Variants in MYH9 observed in about 807,000 individuals in gnomAD.
MYH9 encodes the protein myosin-9.
Under a neutral mutation model 241.9 loss-of-function variants are expected in MYH9, and 29 were observed. The ratio of observed to expected loss-of-function variants is 0.12; its 90% CI spans 0.09 to 0.16. The LOEUF is 0.16. MYH9 is among the 10% of genes least tolerant of loss of function. MYH9 has a pLI of 1.00. For missense variants in MYH9, 1,803 were observed against 2,595.5 expected, an observed-to-expected ratio of 0.69 and a Z score of 6.63; for synonymous variants, 1,047 against 1,062.6, an observed-to-expected ratio of 0.99 and a Z score of 0.29.
chr22:36,356,959 C>A (rs536422618), intron 1 of MYH9, among the ~76,000 whole-genome samples: 14 of 152,380 alleles, frequency 9.2e-5, no homozygotes, highest in African/African-American at 3.1e-4. Context: ...CGGCCGGTGC[C>A]ACCTCTCTGG....
chr22:36,321,517 G>A (rs909929510), intron 7 of MYH9, among the ~76,000 whole-genome samples: 4 of 152,144 alleles, frequency 2.6e-5, no homozygotes, highest in Non-Finnish European at 5.9e-5. Context: ...CACACTAGAC[G>A]GCTTTCAACA....
rs187247455 is a variant in MYH9 at position 36,352,154 on chromosome 22, G to A, written c.-19-2899C>T. On this transcript the variant is annotated intron_variant, in intron 1 of 40. Transcript: ENST00000216181. ...CCTGGGGTCCCTCGGAAGCCAGGCC[G>A]GCACTGGAGCTGGGCCCTAACTGTC... Among the ~76,000 whole-genome samples the A allele has an allele frequency of 2.1e-3, 324 of 152,268 alleles. 1 individual carries two copies. Among genetic ancestry groups the A allele is most frequent in the South Asian group, 7.2e-3 (35 of 4,830 alleles).
At chr22:36,301,986 C>T (rs1219537475) in intron 20 of MYH9, among the ~76,000 whole-genome samples, 4 of 152,132 alleles carry the variant, frequency 2.6e-5, no homozygotes, top group African/African-American at 9.7e-5. Context: ...GGGAACAGCA[C>T]ACTACCTCTA....
intron 1 of MYH9, among the ~76,000 whole-genome samples, chr22:36,371,276 G>T (rs1421020032): frequency 6.6e-6 from 1 of 152,180 alleles, no homozygotes; most frequent in African/African-American, 2.4e-5. Context: ...GAGGTCCTTC[G>T]GGTAGGCCCT....
At position 36,300,130 on chromosome 22, in the gene MYH9, G is replaced by T. The variant is rs987010417; in HGVS notation, c.2973C>A (p.Ala991=). ...IILEDQNCKL[A]KEKKLLEDRI... ...AGGCGACAGCCACGGGCCTCACCTT[G>T]GCCAGCTTGCAGTTCTGGTCCTCCA... is the stretch of plus-strand genomic sequence containing the variant. Residue 991 remains alanine (A), a synonymous_variant, in exon 23 of 41, where the codon GCC becomes GCA. Transcript: ENST00000216181. The surrounding 1 kb of genome is among the most constrained non-coding windows in gnomAD (Gnocchi z 5.0). The T allele has an allele frequency of 3.7e-6, 6 of 1,611,204 alleles. No individual in the cohort carries two copies. Among genetic ancestry groups the T allele is most frequent in the Non-Finnish European group, 5.1e-6 (6 of 1,180,006 alleles).
At chr22:36,348,836 G>GGGGGGGGGGGC in intron 2 of MYH9, 68 bp downstream of exon 2, 1 of 859,338 alleles carries the variant, frequency 1.2e-6, no homozygotes, top group Non-Finnish European at 1.7e-6. Context: ...GTGATGGGAA[G>GGGGGGGGGGGC]ACCCGCCCCC....
chr22:36,370,987 T>C (rs1253068193), intron 1 of MYH9, among the ~76,000 whole-genome samples: 1 of 152,070 alleles, frequency 6.6e-6, no homozygotes, highest in Non-Finnish European at 1.5e-5. Flanking sequence ...TGAACCAGAA[T>C]TTACAGATAC....
chr22:36,322,017 C>T, intron 6 of MYH9, 196 bp from the exon 7 acceptor site: 1 of 636,816 alleles, frequency 1.6e-6, no homozygotes, highest in Non-Finnish European at 2.8e-6. Flanking sequence ...TCAGGCGCCA[C>T]ACTGCCTAAG....
At chr22:36,302,359 C>CA in intron 20 of MYH9, 2 of 504,014 alleles carry the variant, frequency 4.0e-6, no homozygotes, top group East Asian at 7.3e-5. Flanking sequence ...TACTAAAAAT[C>CA]AAAAAGGGCC....
intron 1 of MYH9, among the ~76,000 whole-genome samples, chr22:36,360,056 A>ACCACCACCACCACCC (rs2017914774): frequency 8.7e-6 from 1 of 114,364 alleles, no homozygotes; most frequent in Non-Finnish European, 1.8e-5. Context: ...CACCACCACC[A>ACCACCACCACCACCC]CCACCACCAC....
intron 1 of MYH9, among the ~76,000 whole-genome samples, chr22:36,372,028 T>C (rs1013532525): frequency 6.6e-6 from 1 of 152,040 alleles, no homozygotes; most frequent in African/African-American, 2.4e-5. Context: ...TAGCAACTGA[T>C]ATGTATTTAA....
chr22:36,285,572 C>T lies in MYH9; in HGVS notation c.5274+86G>A. ...GCCTGGGGAGCAGCTGGCACTTGGC[C>T]TGTGCTTCTGCCGGCTGGGTCCAAG... On this transcript the variant is annotated intron_variant, in intron 37 of 40. Coordinates refer to ENST00000216181, the MANE Select transcript of MYH9 (RefSeq NM_002473.6). The surrounding 1 kb of genome is among the most constrained non-coding windows in gnomAD (Gnocchi z 7.0). 1 of 1,590,228 alleles carries T rather than the reference C, an allele frequency of 6.3e-7. No individual in the cohort carries two copies. Among genetic ancestry groups the T allele is most frequent in the Non-Finnish European group, 8.5e-7 (1 of 1,171,194 alleles).
chr22:36,363,232 T>C (rs1296095196), intron 1 of MYH9, among the ~76,000 whole-genome samples: 2 of 152,232 alleles, frequency 1.3e-5, no homozygotes, highest in Admixed American at 6.5e-5. Flanking sequence ...GCAATCTGCC[T>C]TATACAGAAC....
At chr22:36,340,456 T>A (rs996801204) in intron 3 of MYH9, among the ~76,000 whole-genome samples, 1 of 150,470 alleles carries the variant, frequency 6.6e-6, no homozygotes, top group African/African-American at 2.4e-5. Context: ...AGGTCAGGAG[T>A]TCGAGTCCAG....
At chr22:36,290,597 C>T (rs6000230) in intron 31 of MYH9, among the ~76,000 whole-genome samples, 12,185 of 151,960 alleles carry the variant, frequency 0.08, 1,633 homozygotes, top group African/African-American at 0.28. Flanking sequence ...AGCGTCTCTG[C>T]CTGGCCGCCC....
At chr22:36,349,460 T>C (rs1234750373) in intron 1 of MYH9, among the ~76,000 whole-genome samples, 1 of 152,232 alleles carries the variant, frequency 6.6e-6, no homozygotes, top group Non-Finnish European at 1.5e-5. Context: ...CCCAGGACAG[T>C]GGCTCATGCC....
At chr22:36,351,006 T>C (rs1250902973) in intron 1 of MYH9, among the ~76,000 whole-genome samples, 1 of 152,214 alleles carries the variant, frequency 6.6e-6, no homozygotes, top group East Asian at 1.9e-4. Flanking sequence ...CATGGGCTTT[T>C]GTGCTTCCAG....
intron 1 of MYH9, among the ~76,000 whole-genome samples, chr22:36,349,857 C>T (rs2017738059): frequency 1.3e-5 from 2 of 152,158 alleles, no homozygotes; most frequent in Admixed American, 1.3e-4. Flanking sequence ...CGCTATGCTA[C>T]AGATACAAAG....
rs879340254 is a variant in MYH9 at position 36,305,507 on chromosome 22, T to A, written c.2160-405A>T. Among the ~76,000 whole-genome samples the A allele has an allele frequency of 5.3e-5, 8 of 152,174 alleles. No homozygotes were observed. The highest frequency in any genetic ancestry group is 2.9e-5 in the Non-Finnish European group (2 of 68,032). ...TAAAGGGCTGCGTCCCGACAGCAAC[T>A]GACACTCAGCACAGTCATTAGAGAA... On this transcript the variant is annotated intron_variant, in intron 17 of 40. Transcript: ENST00000216181. This position sits in a 1 kb window ranked among gnomAD's most constrained non-coding sequence, Gnocchi z 4.7.
Sources: gnomAD v4.1 joint callset for allele counts (sites outside exome capture counted in the v4.1 genomes callset) on GRCh38, gnomAD v4.1.1 for gene constraint, Gnocchi (gnomAD v3.1) non-coding constraint, MANE v1.5 for transcripts, NCBI Gene and HGNC (gene_info 2026-07-23, HGNC 2026-07-21) for gene names.